The following SLC49A4 variants were observed in gnomAD, a reference collection of about 807,000 sequenced individuals.
SLC49A4 encodes the protein solute carrier family 49 member 4.
Under a neutral mutation model 50.6 loss-of-function variants are expected in SLC49A4, and 36 were observed. That is an observed-to-expected ratio of 0.71 (90% CI 0.55 to 0.94). SLC49A4 has a LOEUF of 0.94. Ranked by LOEUF, SLC49A4 falls within the 40% of genes least tolerant of loss-of-function variation. The pLI, the probability that SLC49A4 is intolerant of heterozygous loss-of-function variation, is 0.00. For synonymous variants in SLC49A4, 248 were observed against 241.2 expected, an observed-to-expected ratio of 1.03 and a Z score of -0.26; for missense variants, 503 against 605.7, an observed-to-expected ratio of 0.83 and a Z score of 1.78.
intron 7 of SLC49A4, among the ~76,000 whole-genome samples, chr3:122,860,814 TAAAAC>T (rs536963511): frequency 4.3e-4 from 66 of 152,216 alleles, no homozygotes; most frequent in Non-Finnish European, 1.2e-4. Context: ...TTTAGCAACT[TAAAAC>T]AACAGAAATT....
intron 1 of SLC49A4, among the ~76,000 whole-genome samples, chr3:122,798,632 A>G (rs1486220377): frequency 1.1e-5 from 1 of 89,798 alleles, no homozygotes; most frequent in Non-Finnish European, 2.3e-5. Context: ...GTACTAAAAT[A>G]TCTTTTTTTT....
At chr3:122,822,793 C>G (rs935885062) in intron 2 of SLC49A4, among the ~76,000 whole-genome samples, 6 of 152,022 alleles carry the variant, frequency 3.9e-5, no homozygotes, top group African/African-American at 7.2e-5. Context: ...CTTCCCCACC[C>G]CAATCCACCT....
chr3:122,873,037 T>G (rs1937216366), intron 8 of SLC49A4, among the ~76,000 whole-genome samples: 1 of 152,180 alleles, frequency 6.6e-6, no homozygotes, highest in Admixed American at 6.5e-5. Context: ...GCCTGAGGGA[T>G]GAATGACAGG....
chr3:122,879,067 TG>T (rs1418967066), intron 8 of SLC49A4, among the ~76,000 whole-genome samples, 195 bp from the exon 9 acceptor site: 2 of 152,218 alleles, frequency 1.3e-5, no homozygotes, highest in African/African-American at 4.8e-5. Flanking sequence ...ATATTCCACA[TG>T]GAAGCCCCGT....
At chr3:122,824,499 G>A (rs1936495418) in intron 2 of SLC49A4, among the ~76,000 whole-genome samples, 1 of 152,020 alleles carries the variant, frequency 6.6e-6, no homozygotes. Flanking sequence ...AAAGAGTTAA[G>A]CCATGGCAAT....
chr3:122,833,190 A>T lies in SLC49A4; in HGVS notation c.704-127A>T, dbSNP rs1340147756. 4.5e-6 allele frequency: 4 copies of T among 881,992 alleles called. No individual in the cohort carries two copies. The East Asian group carries it at 1.1e-4, about 24-fold the overall frequency. 54.6% of individuals were successfully genotyped at this position (881,992 alleles called of 1,614,324 possible). A position where few individuals can be genotyped will look rare whatever the true frequency, so the allele number is the denominator to read the frequency against. On this transcript the variant is annotated intron_variant, in intron 3 of 8. Coordinates refer to ENST00000261038, the MANE Select transcript of SLC49A4 (RefSeq NM_032839.3). ...CAGGAGGTCAAGTCTGTAGTGAGCC[A>T]TGTTCATGCCACTGCATTCCAGCCT... is the stretch of plus-strand genomic sequence containing the variant.
intron 2 of SLC49A4, among the ~76,000 whole-genome samples, chr3:122,825,390 C>T (rs1346137712): frequency 1.3e-5 from 2 of 152,078 alleles, no homozygotes; most frequent in Admixed American, 1.3e-4. Flanking sequence ...ATTCCCCTTA[C>T]ACAGAGAGAT....
intron 8 of SLC49A4, among the ~76,000 whole-genome samples, chr3:122,877,303 G>C (rs910111007): frequency 3.9e-5 from 6 of 152,192 alleles, no homozygotes; most frequent in Non-Finnish European, 7.4e-5. Flanking sequence ...AACACTTGTA[G>C]TTGATTGAGA....
At chr3:122,834,379 T>C (rs1936648073) in intron 4 of SLC49A4, among the ~76,000 whole-genome samples, 1 of 152,078 alleles carries the variant, frequency 6.6e-6, no homozygotes, top group Non-Finnish European at 1.5e-5. Context: ...GTGACCACAG[T>C]GGAATAAAAC....
At chr3:122,856,654 C>T (rs1225221811) in intron 6 of SLC49A4, among the ~76,000 whole-genome samples, 5 of 151,966 alleles carry the variant, frequency 3.3e-5, no homozygotes, top group East Asian at 1.9e-4. Flanking sequence ...CTGGCCAACA[C>T]GGCAAAACCC....
Position 122,879,603 on chromosome 3 carries a change from C to T in SLC49A4, c.*225C>T. On this transcript the variant is annotated 3_prime_UTR_variant, in exon 9 of 9. Coordinates refer to ENST00000261038, the MANE Select transcript of SLC49A4 (RefSeq NM_032839.3). ...TTTTAAAACTCTACAGATGGCATAC[C>T]TGTGCCTGCTTCTGGGGTTGGAAGT... 2.6e-6 allele frequency: 1 copy of T among 385,550 alleles called. No homozygotes were observed. The highest frequency in any genetic ancestry group is 4.6e-6 in the Non-Finnish European group (1 of 216,158). The allele number at this position is 385,550 out of a possible 1,614,324, so 23.9% of individuals were successfully genotyped here.
At position 122,872,563 on chromosome 3, in the gene SLC49A4, A is replaced by G. The variant is rs1450512493; in HGVS notation, c.1287A>G (p.Gly429=). Residue 429 remains glycine, a synonymous_variant, in exon 8 of 9, where the codon GGA becomes GGG. Coordinates refer to ENST00000261038, the MANE Select transcript of SLC49A4 (RefSeq NM_032839.3). ...CTTTTTTAAGTAATATGTTTATGGG[A>G]GTACTTTTATTTTTTCTCACATTTT... ...VVTFLSNMFM[G]VLLFFLTFYH... is the part of the protein sequence containing the mutation. 14 of 1,594,106 alleles carry G rather than the reference A, an allele frequency of 8.8e-6. No homozygotes were observed. The highest frequency in any genetic ancestry group is 2.3e-5 in the South Asian group (2 of 87,766).
At chr3:122,811,350 C>T (rs980136117) in intron 2 of SLC49A4, among the ~76,000 whole-genome samples, 4 of 152,094 alleles carry the variant, frequency 2.6e-5, no homozygotes, top group Non-Finnish European at 4.4e-5. Flanking sequence ...ATTCAGCTTT[C>T]GTCATAATTA....
At chr3:122,797,942 C>G (rs1243166606) in intron 1 of SLC49A4, among the ~76,000 whole-genome samples, 2 of 152,202 alleles carry the variant, frequency 1.3e-5, no homozygotes, top group African/African-American at 4.8e-5. Context: ...GATTGCTCCA[C>G]TGCACTCCAG....
intron 7 of SLC49A4, among the ~76,000 whole-genome samples, chr3:122,865,913 T>C (rs1453577075): frequency 6.6e-6 from 1 of 152,214 alleles, no homozygotes; most frequent in Non-Finnish European, 1.5e-5. Context: ...AAGATAATTA[T>C]TATCTACTCC....
intron 7 of SLC49A4, among the ~76,000 whole-genome samples, chr3:122,871,609 A>C (rs964708354): frequency 1.3e-5 from 2 of 152,090 alleles, no homozygotes; most frequent in Non-Finnish European, 2.9e-5. Context: ...GACATGTTTT[A>C]GGTTTCTAAA....
Position 122,826,910 on chromosome 3 carries a change from C to T in SLC49A4, c.548C>T (p.Thr183Ile), listed in dbSNP as rs777556374. 3 of 1,614,228 alleles carry T rather than the reference C, an allele frequency of 1.9e-6. No homozygotes were observed. Among genetic ancestry groups the T allele is most frequent in the Non-Finnish European group, 2.5e-6 (3 of 1,180,036 alleles). The part of the protein sequence containing the change: ...WFSADERATA[T>I]AIASMLSYLG... ...TCTGCAGATGAAAGGGCCACAGCCACAGCTATTGCATCAATGCTCAGTTAT... is the reference window on the plus strand; with the variant it reads ...TCTGCAGATGAAAGGGCCACAGCCATAGCTATTGCATCAATGCTCAGTTAT... Residue 183 changes from threonine (T) to isoleucine (I), a missense_variant, in exon 3 of 9, where the codon ACA becomes ATA. By Grantham distance (89) the Thr-to-Ile change is moderately conservative (BLOSUM62 -1). Coordinates refer to ENST00000261038, the MANE Select transcript of SLC49A4 (RefSeq NM_032839.3).
At chr3:122,815,379 A>G (rs1319079112) in intron 2 of SLC49A4, among the ~76,000 whole-genome samples, 1 of 152,124 alleles carries the variant, frequency 6.6e-6, no homozygotes, top group Non-Finnish European at 1.5e-5. Context: ...GTGGGCCCCC[A>G]TGCCTGGCCT....
chr3:122,829,262 A>G (rs954491876), intron 3 of SLC49A4, among the ~76,000 whole-genome samples: 8 of 152,250 alleles, frequency 5.3e-5, no homozygotes, highest in Admixed American at 3.9e-4. Context: ...TATTCCAGCA[A>G]TGCAAGGTTG....
Sources: gnomAD v4.1 joint callset for allele counts (sites outside exome capture counted in the v4.1 genomes callset) on GRCh38, gnomAD v4.1.1 for gene constraint, MANE v1.5 for transcripts, NCBI Gene and HGNC (gene_info 2026-07-23, HGNC 2026-07-21) for gene names.